The following PARD3B variants were observed in gnomAD, a reference collection of about 807,000 sequenced individuals.
The protein encoded by PARD3B is partitioning defective 3 homolog B.
In PARD3B, 103 loss-of-function variants were observed where a neutral mutation model predicts 130.2. The observed-to-expected ratio is 0.79, with a 90% confidence interval of 0.67 to 0.93. PARD3B has a LOEUF of 0.93. Among genes scored for constraint, PARD3B ranks in the 40% least tolerant of loss-of-function variants. The pLI is 0.00. For missense variants in PARD3B, 1,609 were observed against 1,499.2 expected, an observed-to-expected ratio of 1.07 and a Z score of -1.21; for synonymous variants, 583 against 553.2, an observed-to-expected ratio of 1.05 and a Z score of -0.76.
At chr2:205,505,157 G>C (rs868574988) in intron 21 of PARD3B, among the ~76,000 whole-genome samples, 1 of 151,546 alleles carries the variant, frequency 6.6e-6, no homozygotes, top group Non-Finnish European at 1.5e-5. Context: ...ACCAAACACC[G>C]CATGTTCTCA....
At chr2:204,644,832 T>C (rs2035216482) in intron 1 of PARD3B, among the ~76,000 whole-genome samples, 1 of 152,192 alleles carries the variant, frequency 6.6e-6, no homozygotes, top group Non-Finnish European at 1.5e-5. Flanking sequence ...ATTCTTATGA[T>C]ACTTTTATAA....
chr2:205,065,394 GT>G (rs1166125944), intron 4 of PARD3B, among the ~76,000 whole-genome samples: 1 of 152,134 alleles, frequency 6.6e-6, no homozygotes, highest in Non-Finnish European at 1.5e-5. Flanking sequence ...AAAGCTTTTT[GT>G]TTCCATAGAA....
intron 3 of PARD3B, among the ~76,000 whole-genome samples, chr2:204,999,939 A>G (rs1559343765): frequency 6.6e-6 from 1 of 152,210 alleles, no homozygotes; most frequent in East Asian, 1.9e-4. Context: ...ATACGATACA[A>G]GGGTATTTCC....
chr2:204,596,064 G>A (rs1222838201), intron 1 of PARD3B, among the ~76,000 whole-genome samples: 1 of 152,164 alleles, frequency 6.6e-6, no homozygotes, highest in African/African-American at 2.4e-5. Context: ...ACTTTAATGA[G>A]TCTTGTGATG....
chr2:205,297,496 C>G (rs2041838674), intron 16 of PARD3B, among the ~76,000 whole-genome samples: 1 of 152,096 alleles, frequency 6.6e-6, no homozygotes, highest in Non-Finnish European at 1.5e-5. Flanking sequence ...AACACTGATG[C>G]CTTTCAATTG....
At chr2:204,607,970 A>G (rs1161963927) in intron 1 of PARD3B, among the ~76,000 whole-genome samples, 4 of 152,146 alleles carry the variant, frequency 2.6e-5, no homozygotes, top group Non-Finnish European at 5.9e-5. Flanking sequence ...CTCAGTCTAG[A>G]ATGATGCCCA....
chr2:205,374,800 CA>C (rs772541825), intron 18 of PARD3B, among the ~76,000 whole-genome samples: 14 of 152,002 alleles, frequency 9.2e-5, no homozygotes, highest in Admixed American at 8.5e-4. Context: ...AGAGTGTAAC[CA>C]TAAAATGAAA....
chr2:204,696,058 G>A (rs945590668), intron 2 of PARD3B, among the ~76,000 whole-genome samples: 6 of 151,958 alleles, frequency 3.9e-5, no homozygotes, highest in Non-Finnish European at 7.4e-5. Flanking sequence ...GTCTGCATAG[G>A]TTATCAGGTA....
intron 18 of PARD3B, among the ~76,000 whole-genome samples, chr2:205,310,568 C>T (rs574526218): frequency 4.6e-5 from 7 of 152,040 alleles, no homozygotes; most frequent in Non-Finnish European, 8.8e-5. Flanking sequence ...ATACACCTCA[C>T]ATATAAGTGA....
chr2:205,403,943 G>T (rs2046335175), intron 19 of PARD3B, among the ~76,000 whole-genome samples: 1 of 42,360 alleles, frequency 2.4e-5, no homozygotes, highest in Non-Finnish European at 1.5e-4. Context: ...ACCCTAGCCA[G>T]TGCTCACTCA....
intron 15 of PARD3B, among the ~76,000 whole-genome samples, chr2:205,197,033 GTGTGTGTGTGTGT>G (rs2036729023): frequency 3.3e-5 from 1 of 30,086 alleles, no homozygotes; most frequent in African/African-American, 1.5e-4. Context: ...TGGGGGGGGG[GTGTGTGTGTGTGT>G]GTGTGTGTGT....
At chr2:204,671,622 T>C (rs900236323) in intron 1 of PARD3B, among the ~76,000 whole-genome samples, 1 of 152,204 alleles carries the variant, frequency 6.6e-6, no homozygotes, top group Non-Finnish European at 1.5e-5. Context: ...TATCTGCTAC[T>C]TCCATGAAGA....
chr2:205,062,742 G>T lies in PARD3B; in HGVS notation c.504+15052G>T, dbSNP rs182769122. Among the ~76,000 whole-genome samples, 12 of 152,208 alleles carry T rather than the reference G, an allele frequency of 7.9e-5. No individual in the cohort carries two copies. The East Asian group carries it at 2.3e-3, about 29-fold the overall frequency. On this transcript the variant is annotated intron_variant, in intron 4 of 22. Transcript: ENST00000406610. The stretch of plus-strand genomic sequence containing the variant: ...AGAAAAGAATAAAATGTTTTTAAAG[G>T]TAATGTACAGTATATTTTTGTATCT...
chr2:204,758,857 A>G (rs2040783298), intron 2 of PARD3B, among the ~76,000 whole-genome samples: 1 of 152,190 alleles, frequency 6.6e-6, no homozygotes. Flanking sequence ...TTCTCCCCTT[A>G]GAACCCTAAA....
At chr2:205,441,293 A>G (rs1019022734) in intron 20 of PARD3B, among the ~76,000 whole-genome samples, 2 of 152,200 alleles carry the variant, frequency 1.3e-5, no homozygotes, top group African/African-American at 2.4e-5. Context: ...CTAAGGAGAG[A>G]GATAATAGGA....
intron 2 of PARD3B, among the ~76,000 whole-genome samples, chr2:204,953,418 CACAGAGAGAGAG>C (rs1237643599): frequency 0.034 from 4,039 of 117,496 alleles, 91 homozygotes; most frequent in Middle Eastern, 0.071. Context: ...CATACACACA[CACAGAGAGAGAG>C]AGAGAGAGAG....
chr2:205,132,069 A>G (rs2032053626), intron 10 of PARD3B, among the ~76,000 whole-genome samples: 1 of 152,214 alleles, frequency 6.6e-6, no homozygotes, highest in African/African-American at 2.4e-5. Context: ...GGATTAAATG[A>G]GATGCATGTA....
intron 22 of PARD3B, among the ~76,000 whole-genome samples, chr2:205,609,990 G>A (rs910508272): frequency 1.3e-5 from 2 of 152,178 alleles, no homozygotes; most frequent in Admixed American, 1.3e-4. Context: ...GATTACAAAT[G>A]ATTTCTTTTA....
intron 15 of PARD3B, among the ~76,000 whole-genome samples, chr2:205,205,188 G>A (rs886808895): frequency 2.6e-5 from 4 of 152,078 alleles, no homozygotes; most frequent in Non-Finnish European, 4.4e-5. Context: ...TGGATTCCTA[G>A]GTATTTTATT....
Sources: allele counts gnomAD v4.1 joint callset (sites outside exome capture counted in the v4.1 genomes callset), GRCh38; gene constraint gnomAD v4.1.1; transcripts MANE v1.5; gene names NCBI Gene and HGNC (gene_info 2026-07-23, HGNC 2026-07-21).